The following PDS5A variants were observed in gnomAD, a reference collection of about 807,000 sequenced individuals.
The protein encoded by PDS5A is PDS5 cohesin associated factor A, also known as sister chromatid cohesion protein PDS5 homolog A.
PDS5A carries 42 observed loss-of-function variants against 167.1 expected under a neutral mutation model. That is an observed-to-expected ratio of 0.25 (90% CI 0.20 to 0.33). The LOEUF is 0.33. PDS5A is among the 10% of genes least tolerant of loss of function. The pLI is 1.00. For synonymous variants in PDS5A, 553 were observed against 554.6 expected (o/e 1.00, Z 0.04); for missense variants, 1,033 against 1,605.9 (o/e 0.64, Z 6.10).
intron 8 of PDS5A, among the ~76,000 whole-genome samples, chr4:39,915,620 A>C (rs1190909238): frequency 6.6e-6 from 1 of 152,034 alleles, no homozygotes; most frequent in Non-Finnish European, 1.5e-5. Flanking sequence ...TCCACCTCCC[A>C]AAGTGCTGGG....
At chr4:39,967,901 C>G (rs1003399329) in intron 2 of PDS5A, among the ~76,000 whole-genome samples, 19 of 151,698 alleles carry the variant, frequency 1.3e-4, no homozygotes, top group African/African-American at 4.6e-4. Context: ...GGCAACAGAC[C>G]GAGAGACTCC....
At position 39,842,909 on chromosome 4, in the gene PDS5A, T is replaced by TATATATATATATA. The variant is rs1717167841; in HGVS notation, c.3549-854_3549-853insTATATATATATAT. Among the ~76,000 whole-genome samples, 36 of 92,308 alleles carry TATATATATATATA rather than the reference T, an allele frequency of 3.9e-4. 2 individuals are homozygous for TATATATATATATA. The highest frequency in any genetic ancestry group is 9.9e-4 in the African/African-American group (18 of 18,204). The allele number at this position is 92,308 out of a possible 152,430, so 60.6% of individuals were successfully genotyped here. ...AGAACAATGTAAACTTATCCTATTT[T>TATATATATATATA]TATATATATATATATATATATATAT... On this transcript the variant is annotated intron_variant, in intron 30 of 32. Transcript: ENST00000303538.
At chr4:39,934,592 G>C (rs1051501075) in intron 2 of PDS5A, among the ~76,000 whole-genome samples, 4 of 145,774 alleles carry the variant, frequency 2.7e-5, no homozygotes, top group South Asian at 2.3e-4. Context: ...TATCTATTGC[G>C]GTCTTAGTAT....
At chr4:39,895,884 ATTT>A in intron 16 of PDS5A, among the ~76,000 whole-genome samples, 1 of 143,790 alleles carries the variant, frequency 7.0e-6, no homozygotes, top group South Asian at 2.2e-4. Flanking sequence ...TGCTCAGCTA[ATTT>A]TTTTTTTTTT....
intron 31 of PDS5A, among the ~76,000 whole-genome samples, chr4:39,839,850 C>G (rs60504633): frequency 0.19 from 29,336 of 151,490 alleles, 3,390 homozygotes; most frequent in East Asian, 0.31. Flanking sequence ...AATTCCAGCA[C>G]TTTGGGAGGC....
chr4:39,849,030 A>G (rs1254385144), intron 27 of PDS5A, 60 bp from the exon 28 acceptor site: 1 of 1,115,040 alleles, frequency 9.0e-7, no homozygotes, highest in Admixed American at 2.4e-5. Context: ...ATAATTACCA[A>G]TTCCACTAAA....
chr4:39,852,943 G>C (rs1466662066), intron 26 of PDS5A, among the ~76,000 whole-genome samples: 3 of 152,082 alleles, frequency 2.0e-5, no homozygotes, highest in Non-Finnish European at 4.4e-5. Context: ...GACATTCCTA[G>C]ACTTTGTTAA....
intron 23 of PDS5A, among the ~76,000 whole-genome samples, chr4:39,865,012 G>A (rs1719310065): frequency 6.6e-6 from 1 of 151,960 alleles, no homozygotes; most frequent in Admixed American, 6.6e-5. Flanking sequence ...AAAGAGTCAA[G>A]GATAACATTT....
chr4:39,974,544 A>C (rs1730886673), intron 2 of PDS5A, among the ~76,000 whole-genome samples: 1 of 151,976 alleles, frequency 6.6e-6, no homozygotes, highest in Non-Finnish European at 1.5e-5. Flanking sequence ...TGCTTTATTT[A>C]TTTTATTTTA....
At chr4:39,973,748 G>C in intron 2 of PDS5A, 1 of 1,294,284 alleles carries the variant, frequency 7.7e-7, no homozygotes, top group South Asian at 1.2e-5. Flanking sequence ...GCAAGTGTAC[G>C]AGCTGTGCCC....
chr4:39,903,009 T>C (rs962685503), intron 12 of PDS5A, among the ~76,000 whole-genome samples: 8 of 152,224 alleles, frequency 5.3e-5, no homozygotes, highest in African/African-American at 1.9e-4. Context: ...AAACATTTGT[T>C]CTAGAAGGTT....
rs548320060 is a variant in PDS5A, at chr4:39,869,892, A to C, written c.2437-430T>G. On this transcript the variant is annotated intron_variant, in intron 21 of 32. Transcript: ENST00000303538. Reference sequence around the variant, plus strand: ...GGGGATGAGGCAGGTGGATCACTTGAGGTCAGGAGTTTGAGACCAGCCTGG... The same window carrying C: ...GGGGATGAGGCAGGTGGATCACTTGCGGTCAGGAGTTTGAGACCAGCCTGG... 2.0e-5 allele frequency among the ~76,000 whole-genome samples: 3 copies of C among 152,280 alleles called. No individual in the cohort carries two copies. The East Asian group carries it at 5.8e-4, about 29-fold the overall frequency.
chr4:39,857,734 A>C (rs1184540707), intron 26 of PDS5A, among the ~76,000 whole-genome samples: 1 of 152,206 alleles, frequency 6.6e-6, no homozygotes, highest in Non-Finnish European at 1.5e-5. Flanking sequence ...CAAACAAGAA[A>C]GTCCCCCAAT....
intron 9 of PDS5A, among the ~76,000 whole-genome samples, chr4:39,910,959 C>T (rs1723830883): frequency 6.6e-6 from 1 of 152,082 alleles, no homozygotes; most frequent in South Asian, 2.1e-4. Context: ...ACAGCACAGC[C>T]CTGTCTCTAC....
At chr4:39,842,119 G>A (rs1238713541) in intron 30 of PDS5A, 63 bp from the exon 31 acceptor site, 6 of 1,036,934 alleles carry the variant, frequency 5.8e-6, no homozygotes, top group South Asian at 1.3e-5. Flanking sequence ...CTCTCTCACC[G>A]TACCAATAAA....
At chr4:39,884,572 T>C (rs919088567) in intron 17 of PDS5A, among the ~76,000 whole-genome samples, 1 of 152,202 alleles carries the variant, frequency 6.6e-6, no homozygotes, top group African/African-American at 2.4e-5. Context: ...TTTTTTCCCA[T>C]TTCCTAATCC....
Position 39,839,901 on chromosome 4 carries a change from C to A in PDS5A, c.3658-1693G>T, listed in dbSNP as rs374667957. ...ACGAGGTCAGGAGTTCAAGACCAGC[C>A]TGGCCAACATGGTGAAACCCCGTCT... On this transcript the variant is annotated intron_variant, in intron 31 of 32. Coordinates refer to ENST00000303538, the MANE Select transcript of PDS5A (RefSeq NM_001100399.2). Among the ~76,000 whole-genome samples the A allele has an allele frequency of 5.3e-5, 8 of 152,042 alleles. No individual in the cohort carries two copies. In the East Asian group the frequency reaches 1.6e-3, roughly 30 times the overall value.
chr4:39,916,662 T>C (rs1724414800), intron 8 of PDS5A, among the ~76,000 whole-genome samples: 1 of 152,022 alleles, frequency 6.6e-6, no homozygotes, highest in Admixed American at 6.6e-5. Context: ...GGTCAAGAGA[T>C]TGAGACCAGC....
At chr4:39,906,133 A>G (rs1272386328) in intron 11 of PDS5A, among the ~76,000 whole-genome samples, 1 of 152,140 alleles carries the variant, frequency 6.6e-6, no homozygotes, top group Non-Finnish European at 1.5e-5. Context: ...GTGGAGGTGG[A>G]AGCAGGCACA....
Sources: gnomAD v4.1 joint callset for allele counts (sites outside exome capture counted in the v4.1 genomes callset) on GRCh38, gnomAD v4.1.1 for gene constraint, MANE v1.5 for transcripts, NCBI Gene and HGNC (gene_info 2026-07-23, HGNC 2026-07-21) for gene names.